The following SEMA3D variants were observed in gnomAD, a reference collection of about 807,000 sequenced individuals.
SEMA3D encodes the protein semaphorin 3D.
In SEMA3D, 84 loss-of-function variants were observed where a neutral mutation model predicts 100.1. That is an observed-to-expected ratio of 0.84 (90% CI 0.70 to 1.01). SEMA3D has a LOEUF of 1.01. SEMA3D is among the 50% of genes least tolerant of loss of function. The probability of loss-of-function intolerance (pLI) is 0.00; values close to 1 mark genes in which losing one functional copy is unlikely to be tolerated. For synonymous variants in SEMA3D, 312 were observed against 320.7 expected (o/e 0.97, Z 0.29); for missense variants, 875 against 934.1 (o/e 0.94, Z 0.82).
chr7:85,246,132 G>C, the SEMA3D span, among the ~76,000 whole-genome samples: 2 of 152,000 alleles, frequency 1.3e-5, no homozygotes, highest in East Asian at 3.8e-4. Context: ...TATTCATTTA[G>C]GCTATGCCAT....
intron 14 of SEMA3D, among the ~76,000 whole-genome samples, chr7:85,018,771 A>G (rs1790175184): frequency 6.6e-6 from 1 of 151,784 alleles, no homozygotes; most frequent in Non-Finnish European, 1.5e-5. Flanking sequence ...GGAACACTAC[A>G]CAATACTGGT....
intron 1 of SEMA3D, among the ~76,000 whole-genome samples, chr7:85,160,199 C>A (rs889927466): frequency 6.8e-6 from 1 of 146,276 alleles, no homozygotes; most frequent in African/African-American, 2.4e-5. Context: ...CAAGTAAATA[C>A]GTGTTTTTTT....
intron 12 of SEMA3D, among the ~76,000 whole-genome samples, chr7:85,034,806 TA>T (rs1790647021): frequency 6.6e-6 from 1 of 151,994 alleles, no homozygotes; most frequent in South Asian, 2.1e-4. Flanking sequence ...GATAACATCA[TA>T]AAAACAAAAG....
At chr7:85,208,311 A>C in the SEMA3D span, among the ~76,000 whole-genome samples, 1 of 152,042 alleles carries the variant, frequency 6.6e-6, no homozygotes, top group African/African-American at 2.4e-5. Context: ...ACAGCAACAA[A>C]CAGATATAAT....
chr7:85,159,984 T>G, intron 1 of SEMA3D: 1 of 983,588 alleles, frequency 1.0e-6, no homozygotes, highest in Non-Finnish European at 1.2e-6. Flanking sequence ...TCCAGAGGTA[T>G]CATATCTACC....
chr7:85,052,197 G>T (rs573416054), intron 9 of SEMA3D, among the ~76,000 whole-genome samples: 56 of 151,912 alleles, frequency 3.7e-4, no homozygotes, highest in African/African-American at 1.1e-3. Flanking sequence ...AACCTAACAG[G>T]TCTCCCAGTC....
At chr7:85,207,000 C>T in the SEMA3D span, among the ~76,000 whole-genome samples, 1 of 151,984 alleles carries the variant, frequency 6.6e-6, no homozygotes, top group African/African-American at 2.4e-5. Context: ...AGGATTTGAT[C>T]TCAGAAAACT....
intron 4 of SEMA3D, among the ~76,000 whole-genome samples, chr7:85,082,915 G>T (rs1163050383): frequency 2.0e-5 from 3 of 152,118 alleles, no homozygotes; most frequent in Admixed American, 2.0e-4. Flanking sequence ...CCTTGATAAG[G>T]TACACAATGC....
chr7:85,080,232 T>C (rs990511587), intron 5 of SEMA3D, among the ~76,000 whole-genome samples: 19 of 152,280 alleles, frequency 1.2e-4, no homozygotes, highest in African/African-American at 3.6e-4. Context: ...TATCCCCCAT[T>C]AGATTGAAAG....
chr7:85,233,598 G>A, the SEMA3D span, among the ~76,000 whole-genome samples: 4 of 152,204 alleles, frequency 2.6e-5, no homozygotes. Context: ...AAGTCTCCTT[G>A]TGGAACTCCT....
At chr7:85,129,861 G>C (rs114886346) in intron 2 of SEMA3D, among the ~76,000 whole-genome samples, 1,591 of 152,090 alleles carry the variant, frequency 0.01, 25 homozygotes, top group African/African-American at 0.036. Context: ...AAAACTGCAC[G>C]TAGCAGGAAA....
At chr7:85,068,048 T>A (rs1791673919) in intron 7 of SEMA3D, 143 bp downstream of exon 7, 1 of 603,912 alleles carries the variant, frequency 1.7e-6, no homozygotes, top group Non-Finnish European at 3.0e-6. Flanking sequence ...TACAGACAAA[T>A]TTGGCACTAA....
intron 2 of SEMA3D, 123 bp from the exon 3 acceptor site, chr7:85,122,054 A>T: frequency 1.6e-5 from 8 of 505,336 alleles, no homozygotes; most frequent in Admixed American, 3.9e-5. Flanking sequence ...ACATGGACAC[A>T]GGGAGGGGAA....
intron 11 of SEMA3D, among the ~76,000 whole-genome samples, chr7:85,038,194 T>C (rs754719805): frequency 6.6e-6 from 1 of 152,070 alleles, no homozygotes; most frequent in Non-Finnish European, 1.5e-5. Context: ...ACTTAAAGTA[T>C]AATAAAAATA....
intron 6 of SEMA3D, among the ~76,000 whole-genome samples, chr7:85,070,780 AC>A (rs1791748690): frequency 1.4e-5 from 2 of 146,506 alleles, no homozygotes; most frequent in African/African-American, 2.6e-5. Flanking sequence ...AGCACTTGTG[AC>A]TTTTTTTTGT....
the SEMA3D span, among the ~76,000 whole-genome samples, chr7:85,210,246 T>C: frequency 6.6e-6 from 1 of 152,136 alleles, no homozygotes; most frequent in African/African-American, 2.4e-5. Flanking sequence ...CTATTAGTTA[T>C]TCTTTCCTTT....
chr7:85,191,277 A>G (rs967093368), upstream of SEMA3D, among the ~76,000 whole-genome samples: 1 of 152,164 alleles, frequency 6.6e-6, no homozygotes, highest in African/African-American at 2.4e-5. Flanking sequence ...GATTGGGATA[A>G]TTTAGTCAGA....
At chr7:85,129,401 T>C (rs1435376619) in intron 2 of SEMA3D, among the ~76,000 whole-genome samples, 6 of 152,124 alleles carry the variant, frequency 3.9e-5, no homozygotes, top group Non-Finnish European at 8.8e-5. Context: ...AATTTTCTAA[T>C]TAAAAATATT....
chr7:85,144,469 T>C, intron 2 of SEMA3D: 1 of 978,980 alleles, frequency 1.0e-6, no homozygotes, highest in Non-Finnish European at 1.2e-6. Context: ...AGAAAATATA[T>C]TTTATGTGAG....
Sources: allele counts gnomAD v4.1 joint callset (sites outside exome capture counted in the v4.1 genomes callset), GRCh38; gene constraint gnomAD v4.1.1; transcripts MANE v1.5; gene names NCBI Gene and HGNC (gene_info 2026-07-23, HGNC 2026-07-21).